MAL2: variants seen among roughly 807,000 people sequenced by gnomAD.
MAL2 encodes the protein mal, T cell differentiation protein 2.
In MAL2, 17 loss-of-function variants were observed where a neutral mutation model predicts 18.1. The ratio of observed to expected loss-of-function variants is 0.94; its 90% CI spans 0.64 to 1.41. The LOEUF is 1.41. MAL2 is among the 40% of genes most tolerant of loss of function. The probability of loss-of-function intolerance (pLI) is 0.00; values close to 1 mark genes in which losing one functional copy is unlikely to be tolerated. For synonymous variants in MAL2, 102 were observed against 102.3 expected (o/e 1.00, Z 0.02); for missense variants, 222 against 231.9 (o/e 0.96, Z 0.28).
intron 1 of MAL2, among the ~76,000 whole-genome samples, chr8:119,214,145 C>A (rs1465305285): frequency 6.6e-6 from 1 of 152,168 alleles, no homozygotes; most frequent in Non-Finnish European, 1.5e-5. Context: ...GGACAGGAAC[C>A]AGGTTGGCAT....
At chr8:119,210,212 A>ATATG (rs574289016) in intron 1 of MAL2, among the ~76,000 whole-genome samples, 82 of 152,278 alleles carry the variant, frequency 5.4e-4, no homozygotes, top group African/African-American at 1.8e-3. Flanking sequence ...TTATTCAAAT[A>ATATG]TATGTATGTA....
chr8:119,219,520 GGTGT>G (rs143315878), intron 1 of MAL2, among the ~76,000 whole-genome samples: 52,214 of 147,622 alleles, frequency 0.35, 9,829 homozygotes, highest in East Asian at 0.62. Flanking sequence ...ACTCTCCCTG[GGTGT>G]GTGTGTGTGT....
rs1645112448 is a variant in MAL2, at chr8:119,245,335, A to G, written c.*1847A>G. ...TACTCTGCTAGAATTTAGGTGTGAGATTTTTTGTTTCCCAGGTATAGCAGG... is the reference window on the plus strand; with the variant it reads ...TACTCTGCTAGAATTTAGGTGTGAGGTTTTTTGTTTCCCAGGTATAGCAGG... On this transcript the variant is annotated 3_prime_UTR_variant, in exon 4 of 4. Transcript: ENST00000614891. 6.6e-6 allele frequency: 1 copy of G among 152,516 alleles called. No homozygotes were observed. The highest frequency in any genetic ancestry group is 6.6e-5 in the Admixed American group (1 of 15,242). 9.4% of individuals were successfully genotyped at this position (152,516 alleles called of 1,614,324 possible).
intron 2 of MAL2, among the ~76,000 whole-genome samples, chr8:119,237,098 A>G (rs1471987567): frequency 6.6e-6 from 1 of 152,204 alleles, no homozygotes; most frequent in South Asian, 2.1e-4. Context: ...AAAAAATGAC[A>G]AAGGGGATAT....
At chr8:119,210,069 C>T (rs910874716) in intron 1 of MAL2, among the ~76,000 whole-genome samples, 1 of 152,142 alleles carries the variant, frequency 6.6e-6, no homozygotes, top group East Asian at 1.9e-4. Context: ...TTGCCATATC[C>T]GCATTCCACC....
chr8:119,228,265 G>T (rs1817637900), intron 2 of MAL2, among the ~76,000 whole-genome samples: 1 of 152,150 alleles, frequency 6.6e-6, no homozygotes, highest in African/African-American at 2.4e-5. Context: ...ATAGCTTGTA[G>T]CTCAATGGGA....
At position 119,221,602 on chromosome 8, in the gene MAL2, G is replaced by A; in HGVS notation, c.148G>A (p.Val50Ile). ...TCTCTTTCAGCTGTTCGGGGGTCTT[G>A]TCTGGATTTTGGTTGCCTCCTCCAA... ...VCLEILFGGL[V>I]WILVASSNVP... The change falls in exon 2 of 4, where the codon GTC (valine) becomes ATC (isoleucine). Residue 50 changes from valine (V) to isoleucine (I), a missense_variant. Physicochemically the swap from Val to Ile is conservative, Grantham distance 29 (BLOSUM62 3). Transcript: ENST00000614891. 6.2e-7 allele frequency: 1 copy of A among 1,613,840 alleles called. No homozygotes were observed.
intron 3 of MAL2, among the ~76,000 whole-genome samples, chr8:119,241,592 A>T (rs1006314026): frequency 7.2e-5 from 11 of 152,150 alleles, no homozygotes; most frequent in African/African-American, 2.4e-4. Flanking sequence ...TAGATAATAC[A>T]TGTCTAGAGT....
At chr8:119,229,231 A>ATGTTTTATCCCATGGCCCTGACAAG in intron 2 of MAL2, among the ~76,000 whole-genome samples, 1 of 151,946 alleles carries the variant, frequency 6.6e-6, no homozygotes, top group South Asian at 2.1e-4. Context: ...AAGCTTTGAA[A>ATGTTTTATCCCATGGCCCTGACAAG]TGTTTTATCC....
intron 1 of MAL2, chr8:119,215,655 T>C (rs1178511543): frequency 6.6e-6 from 1 of 152,244 alleles, no homozygotes; most frequent in African/African-American, 2.4e-5. Context: ...TGGAGTTTAG[T>C]TATGCAGCAG....
rs1273892868 is a variant in MAL2, at chr8:119,208,566, C to T, written c.94C>T (p.Leu32=). 9 of 1,399,838 alleles carry T rather than the reference C, an allele frequency of 6.4e-6. No homozygotes were observed. In the East Asian group the frequency reaches 2.1e-4, roughly 33 times the overall value. 86.7% of individuals were successfully genotyped at this position (1,399,838 alleles called of 1,614,324 possible). The change falls in exon 1 of 4, where the codon CTG becomes TTG. Residue 32 remains leucine, a synonymous_variant. Coordinates refer to ENST00000614891, the MANE Select transcript of MAL2 (RefSeq NM_052886.3). The surrounding 1 kb of genome is among the most constrained non-coding windows in gnomAD (Gnocchi z 4.3). Reference sequence around the variant, plus strand: ...CACCCTGCCCGCCGGCCCCGACATCCTGCGGACCTACTCGGGCGCCTTCGT... The same window carrying T: ...CACCCTGCCCGCCGGCCCCGACATCTTGCGGACCTACTCGGGCGCCTTCGT... ...RVTLPAGPDI[L]RTYSGAFVCL...
At chr8:119,228,352 A>G (rs534972165) in intron 2 of MAL2, among the ~76,000 whole-genome samples, 49 of 152,318 alleles carry the variant, frequency 3.2e-4, no homozygotes, top group African/African-American at 1.1e-3. Context: ...CTGTGGGAAC[A>G]TAAATCATAA....
At chr8:119,213,504 T>A (rs1196224671) in intron 1 of MAL2, among the ~76,000 whole-genome samples, 1 of 152,146 alleles carries the variant, frequency 6.6e-6, no homozygotes, top group Admixed American at 6.5e-5. Context: ...GCCTCTGGAT[T>A]AAAAATCTTC....
intron 2 of MAL2, among the ~76,000 whole-genome samples, chr8:119,226,892 T>C (rs1817608316): frequency 6.6e-6 from 1 of 152,212 alleles, no homozygotes; most frequent in African/African-American, 2.4e-5. Flanking sequence ...AACCACTGAC[T>C]TAGCAGAAAT....
Position 119,208,412 on chromosome 8 carries a change from C to CCGGGAGGCGGAGG in MAL2, c.-50_-38dup, listed in dbSNP as rs1194553925. On this transcript the variant is annotated 5_prime_UTR_variant, in exon 1 of 4. Coordinates refer to ENST00000614891, the MANE Select transcript of MAL2 (RefSeq NM_052886.3). This position sits in a 1 kb window ranked among gnomAD's most constrained non-coding sequence, Gnocchi z 4.3. ...CGGCGGCGGCGGCGGCGGCAGGAGC[C>CCGGGAGGCGGAGG]CGGGAGGCGGAGGCGGGAGGCGGCG... The CCGGGAGGCGGAGG allele has an allele frequency of 6.0e-4, 592 of 986,088 alleles. 1 individual carries two copies. Among genetic ancestry groups the CCGGGAGGCGGAGG allele is most frequent in the South Asian group, 2.9e-3 (62 of 21,302 alleles). The allele number at this position is 986,088 out of a possible 1,614,324, so 61.1% of individuals were successfully genotyped here. A position where few individuals can be genotyped will look rare whatever the true frequency, so the allele number is the denominator to read the frequency against.
At chr8:119,212,878 A>C (rs1258484633) in intron 1 of MAL2, among the ~76,000 whole-genome samples, 1 of 152,206 alleles carries the variant, frequency 6.6e-6, no homozygotes, top group Non-Finnish European at 1.5e-5. Context: ...TTGCTGAGAA[A>C]TGCTAGGCCA....
chr8:119,224,119 T>C (rs1251471867), intron 2 of MAL2: 2 of 152,194 alleles, frequency 1.3e-5, no homozygotes, highest in African/African-American at 4.8e-5. Context: ...TTCTTCTGGG[T>C]TTTATTGACT....
intron 2 of MAL2, among the ~76,000 whole-genome samples, chr8:119,230,548 G>A (rs1215346212): frequency 6.6e-6 from 1 of 152,036 alleles, no homozygotes; most frequent in Non-Finnish European, 1.5e-5. Context: ...ATGCTTCCTA[G>A]GGACCAAAAT....
intron 2 of MAL2, among the ~76,000 whole-genome samples, chr8:119,234,256 TAAA>T: frequency 6.6e-6 from 1 of 152,152 alleles, no homozygotes; most frequent in African/African-American, 2.4e-5. Context: ...CAGACCGGCT[TAAA>T]AAACGGCGCA....
Sources: allele counts gnomAD v4.1 joint callset (sites outside exome capture counted in the v4.1 genomes callset), GRCh38; gene constraint gnomAD v4.1.1; non-coding constraint Gnocchi (gnomAD v3.1); transcripts MANE v1.5; gene names NCBI Gene and HGNC (gene_info 2026-07-23, HGNC 2026-07-21).